Variants in PLXNB3 observed in about 807,000 individuals in gnomAD.
PLXNB3 encodes the protein plexin B3.
Under a neutral mutation model 125.7 loss-of-function variants are expected in PLXNB3, and 80 were observed. The ratio of observed to expected loss-of-function variants is 0.64; its 90% CI spans 0.53 to 0.77. PLXNB3 has a LOEUF of 0.77. Among genes scored for constraint, PLXNB3 ranks in the 30% least tolerant of loss-of-function variants. The pLI, the probability that PLXNB3 is intolerant of heterozygous loss-of-function variation, is 0.00. For missense variants in PLXNB3, 1,836 were observed against 1,729.3 expected (o/e 1.06, Z -1.09); for synonymous variants, 954 against 783.3 (o/e 1.22, Z -3.64).
chrX:153,766,149 C>T, intron 2 of PLXNB3: 1 of 1,108,249 alleles, frequency 9.0e-7, no homozygotes. Context: ...ACACCCCTGG[C>T]TTCTCCCAGC....
In PLXNB3 at chrX:153,771,538, G is replaced by C. The variant is rs782510404; in HGVS notation, c.2400G>C (p.Ala800=). 1 of 1,207,806 alleles carries C rather than the reference G, an allele frequency of 8.3e-7. No individual in the cohort carries two copies. The highest frequency in any genetic ancestry group is 3.0e-5 in the East Asian group (1 of 33,824). Residue 800 remains alanine, a synonymous_variant, in exon 14 of 36, where the codon GCG becomes GCC. Coordinates refer to ENST00000361971, the MANE Select transcript of PLXNB3 (RefSeq NM_005393.3). ...MGHPDCSHCQ[A]ANRSLGCLWC... ...ACCCGGACTGCAGCCACTGCCAAGC[G>C]GCCAACAGGAGCCTGGGCTGCCTGT...
chrX:153,769,621 A>G (rs2091901392), intron 6 of PLXNB3, among the ~76,000 whole-genome samples, 186 bp from the exon 7 acceptor site: 1 of 112,910 alleles, frequency 8.9e-6, no homozygotes, highest in South Asian at 3.6e-4. Context: ...TCAGGGCTGG[A>G]GCCCACGCCT....
Position 153,770,324 on chromosome X carries a change from C to T in PLXNB3, c.1787-14C>T, listed in dbSNP as rs782002074. 2.5e-6 allele frequency: 3 copies of T among 1,204,912 alleles called. No homozygotes were observed. Among genetic ancestry groups the T allele is most frequent in the South Asian group, 3.5e-5 (2 of 56,599 alleles). ...AGCCACCTGACCTGTCCTGCCCCCACTGTCCCCTCCCAGACCACGTCACTG... is the reference window on the plus strand; with the variant it reads ...AGCCACCTGACCTGTCCTGCCCCCATTGTCCCCTCCCAGACCACGTCACTG... On this transcript the variant is annotated splice_polypyrimidine_tract_variant and intron_variant, in intron 8 of 35. Coordinates refer to ENST00000361971, the MANE Select transcript of PLXNB3 (RefSeq NM_005393.3).
chrX:153,769,962 GCCCT>G, intron 7 of PLXNB3, 23 bp downstream of exon 7: 1 of 1,198,005 alleles, frequency 8.3e-7, no homozygotes, highest in African/African-American at 1.7e-5. Flanking sequence ...CCACCACTGG[GCCCT>G]CTGGGCAGCA....
chrX:153,767,453 C>A lies in PLXNB3; in HGVS notation c.626C>A (p.Ala209Asp). 3 of 1,193,366 alleles carry A rather than the reference C, an allele frequency of 2.5e-6. No homozygotes were observed. The highest frequency in any genetic ancestry group is 3.4e-6 in the Non-Finnish European group (3 of 885,657). ...GVPPLAIRQL[A>D]GSQPFSSEGL... ...CCACCCCTGGCCATCCGCCAGCTGG[C>A]CGGGTCTCAGCCCTTCTCCAGCGAG... Residue 209 changes from alanine to aspartate, a missense_variant, in exon 3 of 36, where the codon GCC becomes GAC. Physicochemically the swap from Ala to Asp is moderately radical, Grantham distance 126 (BLOSUM62 -2). Coordinates refer to ENST00000361971, the MANE Select transcript of PLXNB3 (RefSeq NM_005393.3).
Position 153,771,657 on chromosome X carries a change from T to G in PLXNB3, c.2517+2T>G. 1 of 1,178,041 alleles carries G rather than the reference T, an allele frequency of 8.5e-7. No homozygotes were observed. Among genetic ancestry groups the G allele is most frequent in the Non-Finnish European group, 1.1e-6 (1 of 879,583 alleles). On this transcript the variant is annotated splice_donor_variant, in intron 14 of 35. Coordinates refer to ENST00000361971, the MANE Select transcript of PLXNB3 (RefSeq NM_005393.3). LOFTEE classifies it high-confidence loss of function. ...TGTCCTGCGCCCAGCATTGATGCAG[T>G]GAGTCTCCTGCCGGGCCCCCACAGC...
chrX:153,777,301 G>C lies in PLXNB3; in HGVS notation c.5021G>C (p.Cys1674Ser). 8.3e-7 allele frequency: 1 copy of C among 1,205,803 alleles called. No homozygotes were observed. Among genetic ancestry groups the C allele is most frequent in the South Asian group, 1.8e-5 (1 of 56,402 alleles). The stretch of plus-strand genomic sequence containing the variant: ...GAGCCAGAAGGGGCCAAGGTGCGGT[G>C]CAGCAGCCTGCGGGAGCGCGAGCCA... ...TEEPEGAKVR[C>S]SSLREREPAR... Residue 1674 changes from cysteine to serine, a missense_variant, in exon 30 of 36, where the codon TGC becomes TCC. Physicochemically the swap from Cys to Ser is moderately radical, Grantham distance 112. Transcript: ENST00000361971.
At chrX:153,768,187 A>AC (rs1390920076) in intron 3 of PLXNB3, 62 bp from the exon 4 acceptor site, 7 of 1,043,269 alleles carry the variant, frequency 6.7e-6, no homozygotes, top group Non-Finnish European at 9.1e-6. Flanking sequence ...CAGCCTGGGT[A>AC]CCCCCCCTGA....
chrX:153,766,561 T>C, intron 2 of PLXNB3: 1 of 1,027,440 alleles, frequency 9.7e-7, no homozygotes, highest in Non-Finnish European at 1.2e-6. Flanking sequence ...CCTGCCCCCC[T>C]TCAACAATCT....
intron 5 of PLXNB3, 22 bp downstream of exon 5, chrX:153,769,098 A>G: frequency 8.3e-7 from 1 of 1,205,960 alleles, no homozygotes; most frequent in Non-Finnish European, 1.1e-6. Flanking sequence ...CCTGGGGCTG[A>G]AGGGGCCAGC....
chrX:153,778,894 G>C (rs1557065522), intron 35 of PLXNB3, 41 bp from the exon 36 acceptor site: 1 of 1,118,835 alleles, frequency 8.9e-7, no homozygotes, highest in African/African-American at 1.8e-5. Flanking sequence ...CCAGCAGGCA[G>C]AGGGGCAGGC....
intron 1 of PLXNB3, 22 bp from the exon 2 acceptor site, chrX:153,765,449 C>T (rs1278023407): frequency 9.1e-6 from 10 of 1,099,954 alleles, no homozygotes; most frequent in South Asian, 6.0e-5. Context: ...GGCTGAGCCT[C>T]GACTGTCTCC....
intron 17 of PLXNB3, 78 bp from the exon 18 acceptor site, chrX:153,773,152 C>A (rs1376663446): frequency 2.7e-6 from 3 of 1,098,130 alleles, no homozygotes; most frequent in Non-Finnish European, 3.6e-6. Context: ...AGCAGGGCTT[C>A]TCCTACGGGG....
chrX:153,766,435 C>T, intron 2 of PLXNB3: 2 of 1,075,637 alleles, frequency 1.9e-6, no homozygotes, highest in Non-Finnish European at 2.4e-6. Context: ...CGCTGTGACA[C>T]AGCTTCCGCC....
chrX:153,776,291 TCTTA>T lies in PLXNB3; in HGVS notation c.4730-62_4730-59del, dbSNP rs1433675034. 1.0e-5 allele frequency: 11 copies of T among 1,071,285 alleles called. No homozygotes were observed. In the African/African-American group the frequency reaches 1.2e-4, roughly 11 times the overall value. 88.3% of individuals were successfully genotyped at this position (1,071,285 alleles called of 1,213,427 possible). On this transcript the variant is annotated intron_variant, in intron 27 of 35. Transcript: ENST00000361971. ...CGGCACCTGGAGCCCCTCAACTGTG[TCTTA>T]CTATGAGTGTGGGGCGTGGAGAGCA... is the stretch of plus-strand genomic sequence containing the variant.
chrX:153,770,022 T>C (rs986321730), intron 7 of PLXNB3, 70 bp from the exon 8 acceptor site: 72 of 1,189,314 alleles, frequency 6.1e-5, no homozygotes, highest in Non-Finnish European at 8.2e-5. Context: ...CCGTCCTCCT[T>C]CCTCTCCCAT....
Position 153,769,223 on chromosome X carries a change from C to G in PLXNB3, c.1457C>G (p.Ala486Gly). 7 of 1,176,473 alleles carry G rather than the reference C, an allele frequency of 5.9e-6. No individual in the cohort carries two copies. Among genetic ancestry groups the G allele is most frequent in the Non-Finnish European group, 8.0e-6 (7 of 877,501 alleles). Residue 486 changes from alanine (A) to glycine (G), a missense_variant, in exon 6 of 36, where the codon GCC becomes GGC. Ala to Gly is a moderately conservative substitution (Grantham distance 60, BLOSUM62 0). Coordinates refer to ENST00000361971, the MANE Select transcript of PLXNB3 (RefSeq NM_005393.3). Reference sequence around the variant, plus strand: ...CCTGACTGTGCCAGCTGCCTCCAGGCCCAGGACCCGCTGTGTGGCTGGTGT... The same window carrying G: ...CCTGACTGTGCCAGCTGCCTCCAGGGCCAGGACCCGCTGTGTGGCTGGTGT... Reference protein sequence around the residue: ...QFPDCASCLQAQDPLCGWCVL... With the variant: ...QFPDCASCLQGQDPLCGWCVL...
chrX:153,773,004 A>G lies in PLXNB3; in HGVS notation c.2894A>G (p.Gln965Arg). 8.5e-7 allele frequency: 1 copy of G among 1,181,962 alleles called. No homozygotes were observed. The highest frequency in any genetic ancestry group is 1.9e-5 in the South Asian group (1 of 51,993). Reference protein sequence around the residue: ...GGNTSAFVGGQPCPILEPVCP... With the variant: ...GGNTSAFVGGRPCPILEPVCP... ...AACACCAGTGCCTTCGTGGGTGGCC[A>G]ACCCTGTCCCATGTGAGTCCCGGCC... Residue 965 changes from glutamine to arginine, a missense_variant, in exon 17 of 36, where the codon CAA (glutamine) becomes CGA (arginine). Coordinates refer to ENST00000361971, the MANE Select transcript of PLXNB3 (RefSeq NM_005393.3).
chrX:153,767,456 G>A lies in PLXNB3; in HGVS notation c.629G>A (p.Gly210Glu). The change falls in exon 3 of 36, where the codon GGG (glycine) becomes GAG (glutamate). Residue 210 changes from glycine to glutamate, a missense_variant. Transcript: ENST00000361971. ...VPPLAIRQLA[G>E]SQPFSSEGLG... ...CCCCTGGCCATCCGCCAGCTGGCCG[G>A]GTCTCAGCCCTTCTCCAGCGAGGGC... 1.7e-6 allele frequency: 2 copies of A among 1,194,369 alleles called. No homozygotes were observed. The highest frequency in any genetic ancestry group is 2.3e-6 in the Non-Finnish European group (2 of 886,226).
Sources: allele counts gnomAD v4.1 joint callset (sites outside exome capture counted in the v4.1 genomes callset), GRCh38; gene constraint gnomAD v4.1.1; transcripts MANE v1.5; gene names NCBI Gene and HGNC (gene_info 2026-07-23, HGNC 2026-07-21).